The following IL1RAPL2 variants were observed in gnomAD, a reference collection of about 807,000 sequenced individuals.
IL1RAPL2 encodes the protein interleukin 1 receptor accessory protein like 2, also known as X-linked interleukin-1 receptor accessory protein-like 2.
A neutral mutation model predicts 44.1 loss-of-function variants in IL1RAPL2; 3 were observed. The ratio of observed to expected loss-of-function variants is 0.07; its 90% CI spans 0.03 to 0.18. The LOEUF (loss-of-function observed/expected upper bound fraction) is 0.18, where lower values mean the gene tolerates loss of function less well. IL1RAPL2 is among the 10% of genes least tolerant of loss of function. The pLI, the probability that IL1RAPL2 is intolerant of heterozygous loss-of-function variation, is 1.00. For missense variants in IL1RAPL2, 391 were observed against 496.4 expected (o/e 0.79, Z 2.02); for synonymous variants, 181 against 178.8 (o/e 1.01, Z -0.10).
At chrX:104,689,215 C>G (rs1390888147) in intron 2 of IL1RAPL2, among the ~76,000 whole-genome samples, 1 of 111,835 alleles carries the variant, frequency 8.9e-6, no homozygotes, top group Non-Finnish European at 1.9e-5. Context: ...TCATTGCTAC[C>G]AAGCAGGATT....
chrX:105,319,288 A>G (rs1412259722), intron 5 of IL1RAPL2, among the ~76,000 whole-genome samples: 1 of 111,979 alleles, frequency 8.9e-6, no homozygotes, highest in Non-Finnish European at 1.9e-5. Flanking sequence ...TCACCCACGA[A>G]GCCCGTAGCT....
At chrX:105,114,346 A>C (rs2032831389) in intron 2 of IL1RAPL2, among the ~76,000 whole-genome samples, 1 of 112,100 alleles carries the variant, frequency 8.9e-6, no homozygotes, top group Non-Finnish European at 1.9e-5. Context: ...TGAGCTACCC[A>C]GTTTATGGTA....
At chrX:105,728,287 C>G (rs1012148967) in intron 7 of IL1RAPL2, among the ~76,000 whole-genome samples, 1 of 111,744 alleles carries the variant, frequency 8.9e-6, no homozygotes, top group Non-Finnish European at 1.9e-5. Context: ...CAGTACATAG[C>G]CTTTTCAGAG....
chrX:104,594,546 TCTA>T (rs977064894), intron 1 of IL1RAPL2, among the ~76,000 whole-genome samples: 7 of 111,961 alleles, frequency 6.3e-5, no homozygotes, highest in African/African-American at 1.3e-4. Context: ...TTATTGAACA[TCTA>T]CTATTATGTC....
chrX:105,406,738 G>A, intron 5 of IL1RAPL2: 1 of 1,200,175 alleles, frequency 8.3e-7, no homozygotes, highest in Non-Finnish European at 1.1e-6. Context: ...TGCAGAAGGA[G>A]CATCCCTGAA....
At chrX:105,116,167 G>A (rs766746303) in intron 2 of IL1RAPL2, among the ~76,000 whole-genome samples, 9 of 112,691 alleles carry the variant, frequency 8.0e-5, no homozygotes, top group Non-Finnish European at 1.5e-4. Context: ...CAGTGCAGCC[G>A]CGGGCTGAAG....
At chrX:105,311,643 T>C (rs5962506) in intron 5 of IL1RAPL2, among the ~76,000 whole-genome samples, 9,306 of 70,807 alleles carry the variant, frequency 0.13, 922 homozygotes, top group African/African-American at 0.53. Flanking sequence ...CACACACACA[T>C]ATATATATAT....
chrX:105,405,701 A>G (rs201324085), intron 5 of IL1RAPL2: 719 of 978,128 alleles, frequency 7.4e-4, no homozygotes, highest in Non-Finnish European at 9.4e-4. Flanking sequence ...AAAGAGTAAG[A>G]GACTTAAATG....
chrX:105,526,364 A>G (rs1250162577), intron 6 of IL1RAPL2, among the ~76,000 whole-genome samples: 1 of 111,816 alleles, frequency 8.9e-6, no homozygotes, highest in Non-Finnish European at 1.9e-5. Context: ...AACTCAGATT[A>G]AAACTCTGCC....
At chrX:105,466,098 G>A (rs2036127143) in intron 5 of IL1RAPL2, among the ~76,000 whole-genome samples, 1 of 111,450 alleles carries the variant, frequency 9.0e-6, no homozygotes, top group African/African-American at 3.3e-5. Flanking sequence ...GCCCAGTCAA[G>A]TGGTGATTTT....
intron 1 of IL1RAPL2, among the ~76,000 whole-genome samples, chrX:104,607,245 G>A (rs1422906206): frequency 8.9e-6 from 1 of 112,076 alleles, no homozygotes; most frequent in Non-Finnish European, 1.9e-5. Flanking sequence ...AACTCAAGAT[G>A]GGTTAAAGAC....
chrX:104,620,952 A>C (rs1346623647), intron 1 of IL1RAPL2, among the ~76,000 whole-genome samples: 5 of 97,706 alleles, frequency 5.1e-5, no homozygotes, highest in Admixed American at 4.3e-4. Context: ...ATAATATATA[A>C]ATTCTATAAT....
intron 2 of IL1RAPL2, among the ~76,000 whole-genome samples, chrX:104,884,615 C>T (rs1923179263): frequency 1.8e-5 from 2 of 111,445 alleles, no homozygotes; most frequent in South Asian, 3.8e-4. Flanking sequence ...CCCCAATATT[C>T]TCTCTCTGAT....
chrX:105,077,489 T>C (rs999790345), intron 2 of IL1RAPL2, among the ~76,000 whole-genome samples: 5 of 111,588 alleles, frequency 4.5e-5, no homozygotes, highest in Non-Finnish European at 9.4e-5. Context: ...TTTTCCTTCA[T>C]TTCAACTTTG....
intron 2 of IL1RAPL2, among the ~76,000 whole-genome samples, chrX:105,107,861 A>G (rs1320644757): frequency 9.0e-6 from 1 of 111,639 alleles, no homozygotes; most frequent in Non-Finnish European, 1.9e-5. Flanking sequence ...TCCTGATTTT[A>G]TGTGACTGTT....
At chrX:105,502,397 C>G (rs2036401604) in intron 6 of IL1RAPL2, among the ~76,000 whole-genome samples, 1 of 111,607 alleles carries the variant, frequency 9.0e-6, no homozygotes, top group Admixed American at 9.5e-5. Flanking sequence ...TGTTAATGTA[C>G]TTCTTAAAAT....
At position 105,601,393 on chromosome X, in the gene IL1RAPL2, A is replaced by G. The variant is rs761534333; in HGVS notation, c.773-115974A>G. Among the ~76,000 whole-genome samples the G allele has an allele frequency of 3.6e-5, 4 of 111,566 alleles. No homozygotes were observed. The East Asian group carries it at 1.1e-3, about 32-fold the overall frequency. ...TAGAATGTCTGTGAGAGTACACTGG[A>G]ATTCAGCAAGAAAATGACAGACTCT... On this transcript the variant is annotated intron_variant, in intron 6 of 10. Transcript: ENST00000372582.
At chrX:105,099,164 C>A (rs1163828851) in intron 2 of IL1RAPL2, among the ~76,000 whole-genome samples, 2 of 112,251 alleles carry the variant, frequency 1.8e-5, no homozygotes, top group Non-Finnish European at 3.8e-5. Context: ...GAGTCCCACA[C>A]ATAATTCATT....
At chrX:105,079,076 G>A (rs749445922) in intron 2 of IL1RAPL2, among the ~76,000 whole-genome samples, 6 of 112,152 alleles carry the variant, frequency 5.3e-5, no homozygotes, top group South Asian at 3.8e-4. Context: ...TGAGATGAAC[G>A]CGGTACCTCA....
Sources: allele counts gnomAD v4.1 joint callset (sites outside exome capture counted in the v4.1 genomes callset), GRCh38; gene constraint gnomAD v4.1.1; transcripts MANE v1.5; gene names NCBI Gene and HGNC (gene_info 2026-07-23, HGNC 2026-07-21).